SHISA9: variants seen among roughly 807,000 people sequenced by gnomAD.
SHISA9 encodes the protein protein shisa-9.
A neutral mutation model predicts 38.0 loss-of-function variants in SHISA9; 13 were observed. The ratio of observed to expected loss-of-function variants is 0.34; its 90% CI spans 0.22 to 0.54. The LOEUF (loss-of-function observed/expected upper bound fraction) is 0.54. SHISA9 is among the 20% of genes least tolerant of loss of function. SHISA9 has a pLI of 0.91. For missense variants in SHISA9, 538 were observed against 575.8 expected, an observed-to-expected ratio of 0.93 and a Z score of 0.67; for synonymous variants, 275 against 242.0, an observed-to-expected ratio of 1.14 and a Z score of -1.27.
chr16:13,086,950 C>T (rs1166802171), intron 2 of SHISA9, among the ~76,000 whole-genome samples: 2 of 151,856 alleles, frequency 1.3e-5, no homozygotes, highest in African/African-American at 2.4e-5. Flanking sequence ...TCTCCTAATG[C>T]TATCCCTCCC....
At chr16:13,467,333 C>A in the SHISA9 span, among the ~76,000 whole-genome samples, 1 of 152,202 alleles carries the variant, frequency 6.6e-6, no homozygotes, top group Admixed American at 6.5e-5. Flanking sequence ...TCCCCCAGAG[C>A]AGAACACTTT....
chr16:13,267,778 T>C, the SHISA9 span, among the ~76,000 whole-genome samples: 1 of 152,148 alleles, frequency 6.6e-6, no homozygotes, highest in African/African-American at 2.4e-5. Flanking sequence ...CTTACATTTC[T>C]GTAAAATTGA....
At chr16:13,492,837 T>C in the SHISA9 span, among the ~76,000 whole-genome samples, 1 of 152,208 alleles carries the variant, frequency 6.6e-6, no homozygotes, top group African/African-American at 2.4e-5. Context: ...CAGCGAGTTA[T>C]ATGAATATGA....
chr16:13,469,838 A>G, the SHISA9 span, among the ~76,000 whole-genome samples: 4 of 130,932 alleles, frequency 3.1e-5, no homozygotes, highest in Non-Finnish European at 6.4e-5. Flanking sequence ...AAGCACAGTA[A>G]TTAAGGGGAG....
At chr16:12,933,761 T>C (rs1010033893) in intron 2 of SHISA9, among the ~76,000 whole-genome samples, 24 of 152,198 alleles carry the variant, frequency 1.6e-4, no homozygotes, top group African/African-American at 5.8e-4. Flanking sequence ...TACACATTCA[T>C]TCAACAAATC....
At chr16:13,226,366 C>A (rs1307739487) in intron 4 of SHISA9, among the ~76,000 whole-genome samples, 2 of 152,316 alleles carry the variant, frequency 1.3e-5, no homozygotes, top group South Asian at 2.1e-4. Context: ...CACTGTGCTT[C>A]TCTAAGAGAC....
rs577977474 is a variant in SHISA9, at chr16:13,071,835, AG to A, written c.692-131556del. Among the ~76,000 whole-genome samples the A allele has an allele frequency of 4.4e-3, 666 of 151,834 alleles. 7 individuals are homozygous for A. The highest frequency in any genetic ancestry group is 4.2e-3 in the Non-Finnish European group (283 of 67,916). ...TTTTTTTTAATTTTTATGGAGAGAA[AG>A]GGTTTCACTATGTTGCCCAGGCCTG... On this transcript the variant is annotated intron_variant, in intron 2 of 4. Coordinates refer to ENST00000558583, the MANE Select transcript of SHISA9 (RefSeq NM_001145204.3).
chr16:13,341,713 C>T, the SHISA9 span, among the ~76,000 whole-genome samples: 1 of 152,160 alleles, frequency 6.6e-6, no homozygotes, highest in Non-Finnish European at 1.5e-5. Flanking sequence ...GCTTTCCTCC[C>T]ACAGACCCTG....
chr16:13,057,931 T>A (rs531914114), intron 2 of SHISA9, among the ~76,000 whole-genome samples: 1 of 152,206 alleles, frequency 6.6e-6, no homozygotes, highest in Non-Finnish European at 1.5e-5. Flanking sequence ...GTTAGTTTGC[T>A]GAGGATAATG....
the SHISA9 span, among the ~76,000 whole-genome samples, chr16:13,254,853 G>A: frequency 1.3e-5 from 2 of 152,216 alleles, no homozygotes; most frequent in East Asian, 3.9e-4. Context: ...TTGAGCAGGT[G>A]TTGCCCAGAG....
At chr16:13,077,537 C>T (rs2073597354) in intron 2 of SHISA9, among the ~76,000 whole-genome samples, 1 of 152,118 alleles carries the variant, frequency 6.6e-6, no homozygotes, top group Non-Finnish European at 1.5e-5. Context: ...AGGTCCATTT[C>T]CATGTTTGAG....
the SHISA9 span, among the ~76,000 whole-genome samples, chr16:13,380,102 A>G: frequency 6.6e-6 from 1 of 152,190 alleles, no homozygotes. Context: ...ACAGAGATAC[A>G]TACATATGTT....
chr16:13,017,361 A>G (rs772914220), intron 2 of SHISA9, among the ~76,000 whole-genome samples: 97 of 151,960 alleles, frequency 6.4e-4, no homozygotes, highest in Admixed American at 2.6e-4. Flanking sequence ...TGTGCAATGC[A>G]TTTTCCCCAA....
At chr16:13,469,366 A>AGC in the SHISA9 span, among the ~76,000 whole-genome samples, 1 of 25,700 alleles carries the variant, frequency 3.9e-5, no homozygotes, top group Admixed American at 3.5e-4. Flanking sequence ...AAGAAAAGAA[A>AGC]AAGAAAGAAA....
chr16:13,376,721 TCTCA>T, the SHISA9 span, among the ~76,000 whole-genome samples: 5 of 152,150 alleles, frequency 3.3e-5, no homozygotes, highest in Admixed American at 2.6e-4. Flanking sequence ...GGAGACAGGG[TCTCA>T]CTCCATTGCC....
At chr16:13,202,900 C>T (rs1044144252) in intron 2 of SHISA9, among the ~76,000 whole-genome samples, 9 of 152,208 alleles carry the variant, frequency 5.9e-5, no homozygotes, top group Non-Finnish European at 1.2e-4. Flanking sequence ...TGCCTGATTT[C>T]TTCCTGCAAA....
intron 2 of SHISA9, among the ~76,000 whole-genome samples, chr16:13,154,293 A>G (rs2050524008): frequency 6.6e-6 from 1 of 152,194 alleles, no homozygotes; most frequent in Non-Finnish European, 1.5e-5. Flanking sequence ...CCTCCCAAGC[A>G]CAAGAGAATT....
At chr16:13,263,710 T>G in the SHISA9 span, among the ~76,000 whole-genome samples, 3 of 152,232 alleles carry the variant, frequency 2.0e-5, no homozygotes, top group African/African-American at 7.2e-5. Context: ...AATTCCTACA[T>G]GACTGTGTAT....
At chr16:13,456,023 G>C in the SHISA9 span, among the ~76,000 whole-genome samples, 5 of 152,330 alleles carry the variant, frequency 3.3e-5, no homozygotes, top group South Asian at 6.2e-4. Flanking sequence ...GACCTGGCAG[G>C]TGTCTTGAGA....
Sources: gnomAD v4.1 joint callset for allele counts (sites outside exome capture counted in the v4.1 genomes callset) on GRCh38, gnomAD v4.1.1 for gene constraint, MANE v1.5 for transcripts, NCBI Gene and HGNC (gene_info 2026-07-23, HGNC 2026-07-21) for gene names.